CHSY3: variants seen among roughly 807,000 people sequenced by gnomAD.
The protein encoded by CHSY3 is chondroitin sulfate synthase 3.
CHSY3 carries 35 observed loss-of-function variants against 67.2 expected under a neutral mutation model. The ratio of observed to expected loss-of-function variants is 0.52; its 90% CI spans 0.40 to 0.69. CHSY3 has a LOEUF of 0.69. CHSY3 is among the 30% of genes least tolerant of loss of function. The pLI is 0.00. For missense variants in CHSY3, 1,069 were observed against 1,138.5 expected, an observed-to-expected ratio of 0.94 and a Z score of 0.88; for synonymous variants, 474 against 434.7, an observed-to-expected ratio of 1.09 and a Z score of -1.12.
chr5:129,923,610 A>C (rs1224105943), intron 2 of CHSY3, among the ~76,000 whole-genome samples: 1 of 152,184 alleles, frequency 6.6e-6, no homozygotes, highest in Admixed American at 6.5e-5. Context: ...TGAGAAGATG[A>C]TATTTAAGCT....
At position 130,078,214 on chromosome 5, in the gene CHSY3, A is replaced by G. The variant is rs566952483; in HGVS notation, c.1087-106015A>G. Among the ~76,000 whole-genome samples the G allele has an allele frequency of 1.6e-4, 24 of 152,232 alleles. No homozygotes were observed. In the South Asian group the frequency reaches 4.8e-3, roughly 30 times the overall value. Reference sequence around the variant, plus strand: ...GGCCATCCGTACAACTTTACCTGGCAGTATCTGTGTTTCCTGAATCACAAA... The same window carrying G: ...GGCCATCCGTACAACTTTACCTGGCGGTATCTGTGTTTCCTGAATCACAAA... On this transcript the variant is annotated intron_variant, in intron 2 of 2. Transcript: ENST00000305031.
chr5:130,088,459 T>A (rs1766750114), intron 2 of CHSY3, among the ~76,000 whole-genome samples: 1 of 151,432 alleles, frequency 6.6e-6, no homozygotes, highest in African/African-American at 2.4e-5. Context: ...TGGGAGAAAA[T>A]TTTTGCAACC....
chr5:130,076,021 G>T (rs551532484), intron 2 of CHSY3, among the ~76,000 whole-genome samples: 1 of 152,086 alleles, frequency 6.6e-6, no homozygotes, highest in African/African-American at 2.4e-5. Flanking sequence ...TAGGAATAGG[G>T]ATCCATGTCT....
At chr5:130,182,996 A>T (rs1770295874) in intron 2 of CHSY3, among the ~76,000 whole-genome samples, 1 of 150,630 alleles carries the variant, frequency 6.6e-6, no homozygotes, top group Non-Finnish European at 1.5e-5. Context: ...TACAATTTGT[A>T]CCTGCTTCTG....
intron 2 of CHSY3, among the ~76,000 whole-genome samples, chr5:130,171,333 A>G (rs1308904340): frequency 6.6e-6 from 1 of 152,104 alleles, no homozygotes; most frequent in African/African-American, 2.4e-5. Flanking sequence ...TTCTTATTAG[A>G]GTGATATTTT....
intron 2 of CHSY3, among the ~76,000 whole-genome samples, chr5:129,938,773 C>T (rs1286504697): frequency 1.3e-5 from 2 of 152,188 alleles, no homozygotes; most frequent in Non-Finnish European, 2.9e-5. Flanking sequence ...TTGTCCATAT[C>T]ACTATCAGCA....
At chr5:130,010,078 C>G (rs1266884885) in intron 2 of CHSY3, among the ~76,000 whole-genome samples, 2 of 152,252 alleles carry the variant, frequency 1.3e-5, no homozygotes, top group Non-Finnish European at 2.9e-5. Flanking sequence ...GACAGAATAT[C>G]AAGGCAGAAA....
intron 2 of CHSY3, among the ~76,000 whole-genome samples, chr5:130,039,641 A>G (rs928351096): frequency 1.3e-5 from 2 of 152,092 alleles, no homozygotes; most frequent in Admixed American, 6.6e-5. Context: ...CTGGCACTAC[A>G]TGCCAGGCTA....
intron 2 of CHSY3, among the ~76,000 whole-genome samples, chr5:130,125,451 A>ATAGATAGG (rs1768246526): frequency 6.6e-6 from 1 of 152,016 alleles, no homozygotes; most frequent in South Asian, 2.1e-4. Flanking sequence ...AGATAGATAG[A>ATAGATAGG]TAGACAGACA....
intron 2 of CHSY3, among the ~76,000 whole-genome samples, chr5:129,921,100 G>A (rs994979833): frequency 3.3e-5 from 5 of 152,286 alleles, no homozygotes; most frequent in South Asian, 2.1e-4. Context: ...GATTATAGGC[G>A]TGAACCATCG....
intron 2 of CHSY3, among the ~76,000 whole-genome samples, chr5:130,120,105 A>G (rs1293283953): frequency 6.6e-6 from 1 of 152,198 alleles, no homozygotes; most frequent in East Asian, 1.9e-4. Flanking sequence ...ACACAAATAT[A>G]AAATTTTAAA....
At chr5:130,080,362 G>T (rs917067916) in intron 2 of CHSY3, among the ~76,000 whole-genome samples, 24 of 151,990 alleles carry the variant, frequency 1.6e-4, no homozygotes, top group Non-Finnish European at 3.2e-4. Context: ...TGCATTGATT[G>T]TAGCATTGGT....
At chr5:130,084,603 AT>A (rs199630481) in intron 2 of CHSY3, among the ~76,000 whole-genome samples, 13,832 of 151,338 alleles carry the variant, frequency 0.091, 704 homozygotes, top group African/African-American at 0.13. Context: ...TAATTAATTA[AT>A]TTATTTATTT....
At chr5:129,946,848 G>C (rs974325732) in intron 2 of CHSY3, among the ~76,000 whole-genome samples, 1 of 152,050 alleles carries the variant, frequency 6.6e-6, no homozygotes, top group Non-Finnish European at 1.5e-5. Flanking sequence ...CACCCAAGCC[G>C]TTTATATATC....
intron 2 of CHSY3, among the ~76,000 whole-genome samples, chr5:130,114,977 T>C (rs1767738278): frequency 6.6e-6 from 1 of 152,202 alleles, no homozygotes; most frequent in Non-Finnish European, 1.5e-5. Context: ...ATGGGATCTA[T>C]AGCTATCACT....
chr5:130,159,161 C>CTTTTTTTTTTTTTTTTTTTT (rs33919002), intron 2 of CHSY3, among the ~76,000 whole-genome samples: 2 of 98,706 alleles, frequency 2.0e-5, no homozygotes, highest in Non-Finnish European at 2.0e-5. Flanking sequence ...TAAGATTTGT[C>CTTTTTTTTTTTTTTTTTTTT]TTTTTTTTTT....
At chr5:130,089,147 T>G (rs1416378260) in intron 2 of CHSY3, among the ~76,000 whole-genome samples, 5 of 144,174 alleles carry the variant, frequency 3.5e-5, no homozygotes, top group Non-Finnish European at 7.4e-5. Flanking sequence ...CTGCATGTTC[T>G]CACTCATAGG....
chr5:129,951,066 A>G (rs1330257860), intron 2 of CHSY3, among the ~76,000 whole-genome samples: 2 of 152,214 alleles, frequency 1.3e-5, no homozygotes, highest in African/African-American at 2.4e-5. Flanking sequence ...AGGGCAGAAT[A>G]GAAAGCCAAG....
chr5:130,151,797 G>C (rs993878930), intron 2 of CHSY3, among the ~76,000 whole-genome samples: 1 of 152,124 alleles, frequency 6.6e-6, no homozygotes, highest in East Asian at 1.9e-4. Context: ...ACCTCCTACT[G>C]TGTCCCTTCC....
Sources: allele counts gnomAD v4.1 joint callset (sites outside exome capture counted in the v4.1 genomes callset), GRCh38; gene constraint gnomAD v4.1.1; transcripts MANE v1.5; gene names NCBI Gene and HGNC (gene_info 2026-07-23, HGNC 2026-07-21).